Variants in NFIB observed in about 807,000 individuals in gnomAD.
The protein encoded by NFIB is nuclear factor 1 B-type.
Under a neutral mutation model 61.5 loss-of-function variants are expected in NFIB, and 11 were observed. The observed-to-expected ratio is 0.18, with a 90% confidence interval of 0.11 to 0.30. The LOEUF is 0.30. Ranked by LOEUF, NFIB falls within the 10% of genes least tolerant of loss-of-function variation. The probability of loss-of-function intolerance (pLI) is 1.00; values close to 1 mark genes in which losing one functional copy is unlikely to be tolerated. For missense variants in NFIB, 471 were observed against 608.9 expected, an observed-to-expected ratio of 0.77 and a Z score of 2.38; for synonymous variants, 260 against 216.5, an observed-to-expected ratio of 1.20 and a Z score of -1.76.
chr9:14,096,168 C>T (rs941420994), intron 10 of NFIB, among the ~76,000 whole-genome samples: 1 of 152,112 alleles, frequency 6.6e-6, no homozygotes, highest in Non-Finnish European at 1.5e-5. Flanking sequence ...CGAACTACAT[C>T]TGTAAATATG....
intron 2 of NFIB, among the ~76,000 whole-genome samples, chr9:14,282,027 C>T (rs1017527148): frequency 6.6e-6 from 1 of 152,102 alleles, no homozygotes; most frequent in Non-Finnish European, 1.5e-5. Context: ...GGTAAGTGTT[C>T]ATTCTAAAAA....
chr9:14,247,473 C>G (rs2055064358), intron 2 of NFIB, among the ~76,000 whole-genome samples: 1 of 152,132 alleles, frequency 6.6e-6, no homozygotes, highest in South Asian at 2.1e-4. Flanking sequence ...CTCCATTTCT[C>G]ACAGGAAAAT....
At chr9:14,152,642 T>C (rs757807689) in intron 4 of NFIB, among the ~76,000 whole-genome samples, 7 of 152,276 alleles carry the variant, frequency 4.6e-5, no homozygotes, top group Non-Finnish European at 8.8e-5. Flanking sequence ...TGAATACATA[T>C]GGCTCCATAG....
At chr9:14,322,930 C>A (rs2060698514) in intron 1 of NFIB, among the ~76,000 whole-genome samples, 1 of 152,174 alleles carries the variant, frequency 6.6e-6, no homozygotes, top group South Asian at 2.1e-4. Context: ...CGGCGCGCCG[C>A]GGGCAAGGGG....
intron 2 of NFIB, among the ~76,000 whole-genome samples, chr9:14,269,945 T>C (rs2057480256): frequency 6.6e-6 from 1 of 152,206 alleles, no homozygotes; most frequent in South Asian, 2.1e-4. Context: ...TGGCAAGCTA[T>C]ATATATTGAT....
the NFIB span, among the ~76,000 whole-genome samples, chr9:14,423,297 C>A: frequency 6.6e-6 from 1 of 152,178 alleles, no homozygotes; most frequent in African/African-American, 2.4e-5. Context: ...TCTGATTCTT[C>A]TGGGACCCCA....
chr9:14,374,247 GC>G (rs2061391417), intron 1 of NFIB, among the ~76,000 whole-genome samples: 1 of 151,628 alleles, frequency 6.6e-6, no homozygotes, highest in Non-Finnish European at 1.5e-5. Flanking sequence ...TTTTATTCAG[GC>G]TTTTGCCTCC....
the NFIB span, among the ~76,000 whole-genome samples, chr9:14,464,078 C>T: frequency 1.3e-5 from 2 of 152,138 alleles, no homozygotes; most frequent in Non-Finnish European, 2.9e-5. Flanking sequence ...TCTCTCCAGC[C>T]CTACCGCTAG....
chr9:14,286,661 C>T (rs927843339), intron 2 of NFIB, among the ~76,000 whole-genome samples: 1 of 152,160 alleles, frequency 6.6e-6, no homozygotes, highest in Non-Finnish European at 1.5e-5. Flanking sequence ...TTGGGTAATT[C>T]TTCTTAAACT....
chr9:14,221,510 G>A (rs992260339), intron 2 of NFIB, among the ~76,000 whole-genome samples: 2 of 152,130 alleles, frequency 1.3e-5, no homozygotes, highest in Admixed American at 6.6e-5. Context: ...TATGTTTCCC[G>A]AAGTCACACA....
intron 1 of NFIB, among the ~76,000 whole-genome samples, chr9:14,380,387 A>G (rs1479341124): frequency 2.6e-5 from 4 of 152,220 alleles, no homozygotes; most frequent in Non-Finnish European, 5.9e-5. Flanking sequence ...TAATACTTTC[A>G]CCAGAATTTG....
intron 3 of NFIB, among the ~76,000 whole-genome samples, chr9:14,161,812 G>T (rs1204826727): frequency 5.3e-5 from 8 of 152,086 alleles, no homozygotes; most frequent in Non-Finnish European, 7.4e-5. Context: ...GAATTACAGG[G>T]TCAAAGGACA....
At chr9:14,291,303 G>C (rs1563981154) in intron 2 of NFIB, among the ~76,000 whole-genome samples, 1 of 151,944 alleles carries the variant, frequency 6.6e-6, no homozygotes, top group African/African-American at 2.4e-5. Context: ...TGGCCAACAC[G>C]ATGAAATCCA....
intron 1 of NFIB, among the ~76,000 whole-genome samples, chr9:14,375,963 G>A (rs2061414102): frequency 6.6e-6 from 1 of 152,226 alleles, no homozygotes; most frequent in Admixed American, 6.5e-5. Flanking sequence ...TGAGAACCCA[G>A]TCTGCTGTGC....
At chr9:14,522,762 C>T in the NFIB span, among the ~76,000 whole-genome samples, 40 of 152,188 alleles carry the variant, frequency 2.6e-4, 1 homozygote, top group East Asian at 6.6e-3. Context: ...TATTTCCTTC[C>T]GCATAATTTT....
At chr9:14,314,305 G>A (rs1040562750), upstream of NFIB, 216 of 305,384 alleles carry the variant, frequency 7.1e-4, 1 homozygote, top group Non-Finnish European at 8.7e-4. Flanking sequence ...CGCCGCCCGC[G>A]CCGGGTCTTC....
At chr9:14,363,932 C>T (rs2061270686) in intron 1 of NFIB, among the ~76,000 whole-genome samples, 1 of 152,014 alleles carries the variant, frequency 6.6e-6, no homozygotes, top group Non-Finnish European at 1.5e-5. Flanking sequence ...ATGGCTGAAC[C>T]ATACTCTCCT....
intron 1 of NFIB, among the ~76,000 whole-genome samples, chr9:14,323,673 ATC>A (rs2060713199): frequency 6.6e-6 from 1 of 152,216 alleles, no homozygotes; most frequent in Non-Finnish European, 1.5e-5. Flanking sequence ...AATTATTCTT[ATC>A]TCTCTACTAA....
chr9:14,320,023 T>C (rs2060627221), intron 1 of NFIB, among the ~76,000 whole-genome samples: 1 of 152,224 alleles, frequency 6.6e-6, no homozygotes, highest in Non-Finnish European at 1.5e-5. Flanking sequence ...TATTATCAAA[T>C]TGTGTAATGT....
Sources: gnomAD v4.1 joint callset for allele counts (sites outside exome capture counted in the v4.1 genomes callset) on GRCh38, gnomAD v4.1.1 for gene constraint, MANE v1.5 for transcripts, NCBI Gene and HGNC (gene_info 2026-07-23, HGNC 2026-07-21) for gene names.